Variants in CIMAP2 observed in about 807,000 individuals in gnomAD.
CIMAP2 encodes ciliary microtubule-associated protein 2.
the CIMAP2 span, among the ~76,000 whole-genome samples, chr1:54,837,086 A>G: frequency 6.6e-6 from 1 of 152,198 alleles, no homozygotes; most frequent in East Asian, 1.9e-4. Context: ...GGGGGTTATG[A>G]AATATTACAG....
At chr1:54,829,424 G>C in the CIMAP2 span, among the ~76,000 whole-genome samples, 11 of 152,332 alleles carry the variant, frequency 7.2e-5, no homozygotes, top group South Asian at 2.1e-3. Context: ...GATTCTCTCA[G>C]AGGCTCAACT....
chr1:54,831,481 C>T, the CIMAP2 span, among the ~76,000 whole-genome samples: 2 of 151,892 alleles, frequency 1.3e-5, no homozygotes, highest in Admixed American at 6.6e-5. Flanking sequence ...GGTGAAACCC[C>T]GTCTCTACTA....
chr1:54,815,735 C>T, the CIMAP2 span, among the ~76,000 whole-genome samples: 4 of 152,240 alleles, frequency 2.6e-5, no homozygotes, highest in African/African-American at 7.2e-5. Context: ...TAGAGAAAGG[C>T]GCTGAGTCCT....
chr1:54,833,911 C>T, the CIMAP2 span, among the ~76,000 whole-genome samples: 8 of 152,042 alleles, frequency 5.3e-5, no homozygotes, highest in African/African-American at 1.9e-4. Flanking sequence ...TGCAATGGCT[C>T]ATTGCAACCT....
At chr1:54,814,464 C>A in the CIMAP2 span, among the ~76,000 whole-genome samples, 1 of 152,224 alleles carries the variant, frequency 6.6e-6, no homozygotes, top group Non-Finnish European at 1.5e-5. Flanking sequence ...TCTGCCCCCG[C>A]TAGGCACTTT....
chr1:54,820,089 CTTCT>C, the CIMAP2 span, among the ~76,000 whole-genome samples: 68 of 107,398 alleles, frequency 6.3e-4, no homozygotes, highest in African/African-American at 7.4e-4. Context: ...TCCTTCCCTC[CTTCT>C]TTCTTTCTTT....
chr1:54,817,046 C>T, the CIMAP2 span: 184 of 1,614,148 alleles, frequency 1.1e-4, no homozygotes, highest in African/African-American at 1.2e-3. Context: ...AAAGGACAGG[C>T]GGCAGCGATA....
chr1:54,838,651 G>C, the CIMAP2 span, among the ~76,000 whole-genome samples: 1 of 152,040 alleles, frequency 6.6e-6, no homozygotes, highest in Admixed American at 6.5e-5. Context: ...GAAACTCAGT[G>C]GCTTAAAACA....
chr1:54,842,161 T>G, the CIMAP2 span: 1 of 521,822 alleles, frequency 1.9e-6, no homozygotes, highest in Non-Finnish European at 3.4e-6. Context: ...GCAGATGGAC[T>G]GAAGGGATGG....
At chr1:54,806,201 T>G in the CIMAP2 span, 1 of 1,543,586 alleles carries the variant, frequency 6.5e-7, no homozygotes, top group Non-Finnish European at 8.7e-7. Flanking sequence ...CGGGGCGCCC[T>G]TCGGGGTGCA....
the CIMAP2 span, among the ~76,000 whole-genome samples, chr1:54,835,679 C>G: frequency 6.6e-6 from 1 of 152,060 alleles, no homozygotes; most frequent in Admixed American, 6.6e-5. Context: ...TGCCAGGCAC[C>G]TTGCTGGTTC....
chr1:54,836,282 CGCCTGCCT>C, the CIMAP2 span, among the ~76,000 whole-genome samples: 2 of 150,630 alleles, frequency 1.3e-5, no homozygotes, highest in Admixed American at 6.6e-5. Context: ...CCTACCTGCC[CGCCTGCCT>C]GCCTGCCTGC....
At chr1:54,842,217 TG>T in the CIMAP2 span, 2 of 349,116 alleles carry the variant, frequency 5.7e-6, no homozygotes, top group African/African-American at 4.1e-5. Flanking sequence ...AAAGCCAGAG[TG>T]CTTGGCTCCT....
chr1:54,822,501 G>A, the CIMAP2 span, among the ~76,000 whole-genome samples: 2 of 151,402 alleles, frequency 1.3e-5, no homozygotes, highest in African/African-American at 2.4e-5. Context: ...GCATTGTTAC[G>A]TTGTTTATTT....
chr1:54,825,207 C>T, the CIMAP2 span, among the ~76,000 whole-genome samples: 22 of 151,744 alleles, frequency 1.4e-4, no homozygotes, highest in African/African-American at 1.9e-4. Flanking sequence ...CCTGACACCA[C>T]GCCCAGCTAA....
the CIMAP2 span, among the ~76,000 whole-genome samples, chr1:54,840,846 A>G: frequency 6.6e-6 from 1 of 152,288 alleles, no homozygotes; most frequent in East Asian, 1.9e-4. Flanking sequence ...TATTCTAAGC[A>G]TAAGTCCTTT....
At chr1:54,811,276 G>A in the CIMAP2 span, among the ~76,000 whole-genome samples, 16 of 152,200 alleles carry the variant, frequency 1.1e-4, no homozygotes, top group South Asian at 2.1e-4. Context: ...TGGTGCAGGG[G>A]TGTAAAGGTT....
At chr1:54,832,395 G>T in the CIMAP2 span, among the ~76,000 whole-genome samples, 1 of 152,054 alleles carries the variant, frequency 6.6e-6, no homozygotes, top group African/African-American at 2.4e-5. Context: ...GAATTTTTAG[G>T]TTACTTTTTG....
chr1:54,818,993 CTTGT>C, the CIMAP2 span, among the ~76,000 whole-genome samples: 1 of 151,936 alleles, frequency 6.6e-6, no homozygotes, highest in African/African-American at 2.4e-5. Flanking sequence ...TTTTCTTTTG[CTTGT>C]TTGTTCATAC....
Sources: allele counts gnomAD v4.1 joint callset (sites outside exome capture counted in the v4.1 genomes callset), GRCh38; gene constraint gnomAD v4.1.1; transcripts MANE v1.5; gene names NCBI Gene and HGNC (gene_info 2026-07-23, HGNC 2026-07-21).